MAP3K6: variants seen among roughly 807,000 people sequenced by gnomAD.
MAP3K6 encodes apoptosis signal-regulating kinase 2.
A neutral mutation model predicts 147.1 loss-of-function variants in MAP3K6; 105 were observed. That is an observed-to-expected ratio of 0.71 (90% CI 0.61 to 0.84). MAP3K6 has a LOEUF of 0.84. MAP3K6 is among the 40% of genes least tolerant of loss of function. MAP3K6 has a pLI of 0.00. For missense variants in MAP3K6, 1,569 were observed against 1,715.0 expected (o/e 0.91, Z 1.50); for synonymous variants, 695 against 732.4 (o/e 0.95, Z 0.82).
In MAP3K6 at chr1:27,364,566, G is replaced by C; in HGVS notation, c.504+95C>G. On this transcript the variant is annotated intron_variant, in intron 3 of 28. Coordinates refer to ENST00000357582, the MANE Select transcript of MAP3K6 (RefSeq NM_004672.5). The surrounding 1 kb of genome is among the most constrained non-coding windows in gnomAD (Gnocchi z 4.4). Reference sequence around the variant, plus strand: ...GGAATACTTGGGATGTCAGTGGGGGGTTAGGTGACTGAGGAGGCCAGGGGG... The same window carrying C: ...GGAATACTTGGGATGTCAGTGGGGGCTTAGGTGACTGAGGAGGCCAGGGGG... The C allele has an allele frequency of 6.3e-7, 1 of 1,582,802 alleles. No individual in the cohort carries two copies. Among genetic ancestry groups the C allele is most frequent in the Non-Finnish European group, 8.7e-7 (1 of 1,151,802 alleles).
rs1236112850 is a variant in MAP3K6, at chr1:27,359,871, T to C, written c.2306A>G (p.His769Arg). 1 of 1,614,162 alleles carries C rather than the reference T, an allele frequency of 6.2e-7. No homozygotes were observed. The highest frequency in any genetic ancestry group is 1.1e-5 in the South Asian group (1 of 91,090). Residue 769 changes from histidine (H) to arginine (R), a missense_variant, in exon 17 of 29, where the codon CAC (histidine) becomes CGC (arginine). Coordinates refer to ENST00000357582, the MANE Select transcript of MAP3K6 (RefSeq NM_004672.5). This position sits in a 1 kb window ranked among gnomAD's most constrained non-coding sequence, Gnocchi z 4.4. ...CCCAGGGCTTACTTTTATGTCCCTG[T>C]GCACGATGTGGTTGTCGTGCAAGTA... ...LGYLHDNHIV[H>R]RDIKGDNVLI...
At position 27,364,086 on chromosome 1, in the gene MAP3K6, C is replaced by T; in HGVS notation, c.696-1G>A. 6.2e-7 allele frequency: 1 copy of T among 1,611,658 alleles called. No individual in the cohort carries two copies. Among genetic ancestry groups the T allele is most frequent in the South Asian group, 1.1e-5 (1 of 90,894 alleles). On this transcript the variant is annotated splice_acceptor_variant, in intron 4 of 28. Coordinates refer to ENST00000357582, the MANE Select transcript of MAP3K6 (RefSeq NM_004672.5). LOFTEE classifies it high-confidence loss of function. The surrounding 1 kb of genome is among the most constrained non-coding windows in gnomAD (Gnocchi z 4.4). ...CCGAATGGTCTCCCGGAAATAGCCA[C>T]TGATGCCCAGGGTAGGGGAGGCAGG...
rs562303428 is a variant in MAP3K6 at position 27,358,621 on chromosome 1, G to A, written c.2584-10C>T. 4.3e-6 allele frequency: 7 copies of A among 1,613,586 alleles called. No homozygotes were observed. Among genetic ancestry groups the A allele is most frequent in the African/African-American group, 1.3e-5 (1 of 75,044 alleles). ...CCTTGTACATACCCACCTGTGGGGG[G>A]AGGGTGAACAAGGGTGACATTCAGA... On this transcript the variant is annotated splice_polypyrimidine_tract_variant and intron_variant, in intron 19 of 28. Transcript: ENST00000357582. This position sits in a 1 kb window ranked among gnomAD's most constrained non-coding sequence, Gnocchi z 6.2.
chr1:27,357,385 A>G lies in MAP3K6; in HGVS notation c.3258+15T>C. 1 of 1,587,516 alleles carries G rather than the reference A, an allele frequency of 6.3e-7. No homozygotes were observed. The highest frequency in any genetic ancestry group is 8.6e-7 in the Non-Finnish European group (1 of 1,163,088). ...CTGTTGTTGGGCAGCTCTAACTACC[A>G]GAAGGCGCCCTCACCGCATCCGGGA... On this transcript the variant is annotated intron_variant, in intron 23 of 28. Coordinates refer to ENST00000357582, the MANE Select transcript of MAP3K6 (RefSeq NM_004672.5).
At position 27,366,268 on chromosome 1, in the gene MAP3K6, GA is replaced by G; in HGVS notation, c.329del (p.Phe110SerfsTer11). The G allele has an allele frequency of 1.5e-6, 2 of 1,335,954 alleles. No individual in the cohort carries two copies. Among genetic ancestry groups the G allele is most frequent in the South Asian group, 1.9e-5 (1 of 53,366 alleles). 82.8% of individuals were successfully genotyped at this position (1,335,954 alleles called of 1,614,324 possible). On this transcript the variant is annotated frameshift_variant, in exon 1 of 29. Coordinates refer to ENST00000357582, the MANE Select transcript of MAP3K6 (RefSeq NM_004672.5). LOFTEE classifies it high-confidence loss of function. The surrounding 1 kb of genome is among the most constrained non-coding windows in gnomAD (Gnocchi z 5.5). ...CCCCAGCGCTCTCACCCGCGTTGTA[GA>G]AGGCATCCAGAGCCGCGGTGTCGCC... ...ELGDTAALDA[F>X]YNADVVVLEV...
chr1:27,359,232 A>G lies in MAP3K6; in HGVS notation c.2425+185T>C, dbSNP rs2015653386. On this transcript the variant is annotated intron_variant, in intron 18 of 28. Coordinates refer to ENST00000357582, the MANE Select transcript of MAP3K6 (RefSeq NM_004672.5). This position sits in a 1 kb window ranked among gnomAD's most constrained non-coding sequence, Gnocchi z 4.4. ...CTCCTCAAGTGCTAAAGTCAATTTC[A>G]TCACTTCTCCAAGCTCCAGTTCCAG... 6.6e-6 allele frequency among the ~76,000 whole-genome samples: 1 copy of G among 152,066 alleles called. No homozygotes were observed. Among genetic ancestry groups the G allele is most frequent in the Non-Finnish European group, 1.5e-5 (1 of 68,022 alleles).
chr1:27,358,719 G>C lies in MAP3K6; in HGVS notation c.2573C>G (p.Ala858Gly). ...CCAAAGAGGTCTCACCTGAAACATG[G>C]CAGCCTGTGGGCTCCCGAGCTCGTG... ...PFHELGSPQA[A>G]MFQVGMYKVH... Residue 858 changes from alanine (A) to glycine (G), a missense_variant, in exon 19 of 29, where the codon GCC becomes GGC. By Grantham distance (60) the Ala-to-Gly change is moderately conservative. Coordinates refer to ENST00000357582, the MANE Select transcript of MAP3K6 (RefSeq NM_004672.5). The surrounding 1 kb of genome is among the most constrained non-coding windows in gnomAD (Gnocchi z 6.2). The C allele has an allele frequency of 6.2e-7, 1 of 1,613,800 alleles. No homozygotes were observed. The highest frequency in any genetic ancestry group is 1.3e-5 in the African/African-American group (1 of 75,040).
Position 27,359,579 on chromosome 1 carries a change from C to T in MAP3K6, c.2320-57G>A, listed in dbSNP as rs1384449467. The T allele has an allele frequency of 1.0e-5, 16 of 1,606,936 alleles. No individual in the cohort carries two copies. The South Asian group carries it at 1.3e-4, about 13-fold the overall frequency. On this transcript the variant is annotated intron_variant, in intron 17 of 28. Transcript: ENST00000357582. This position sits in a 1 kb window ranked among gnomAD's most constrained non-coding sequence, Gnocchi z 4.4. ...GGGCCCCTGCCAGCAGAAGTAGACC[C>T]TCTTTCTGGGATCCCATCTCCTGGA... is the stretch of plus-strand genomic sequence containing the variant.
chr1:27,362,573 C>T (rs2015818070), intron 8 of MAP3K6, 68 bp downstream of exon 8: 2 of 1,246,998 alleles, frequency 1.6e-6, no homozygotes, highest in African/African-American at 1.5e-5. Context: ...GTGCTCTCTC[C>T]CTGCCCTCTT....
At position 27,360,459 on chromosome 1, in the gene MAP3K6, C is replaced by T. The variant is rs1006482540; in HGVS notation, c.2055-91G>A. On this transcript the variant is annotated intron_variant, in intron 15 of 28. Coordinates refer to ENST00000357582, the MANE Select transcript of MAP3K6 (RefSeq NM_004672.5). This position sits in a 1 kb window ranked among gnomAD's most constrained non-coding sequence, Gnocchi z 4.5. Reference sequence around the variant, plus strand: ...CCAGCCTGGCCCCGCCCCAAGGACCCGCCCCGCCCACAAGCCCTCTCCGAC... The same window carrying T: ...CCAGCCTGGCCCCGCCCCAAGGACCTGCCCCGCCCACAAGCCCTCTCCGAC... 6.8e-7 allele frequency: 1 copy of T among 1,473,772 alleles called. No individual in the cohort carries two copies. Among genetic ancestry groups the T allele is most frequent in the Non-Finnish European group, 9.1e-7 (1 of 1,100,948 alleles). The allele number at this position is 1,473,772 out of a possible 1,614,324, so 91.3% of individuals were successfully genotyped here. A position where few individuals can be genotyped will look rare whatever the true frequency, so the allele number is the denominator to read the frequency against.
Position 27,360,931 on chromosome 1 carries a change from T to C in MAP3K6, c.1910A>G (p.Glu637Gly). Residue 637 changes from glutamate (E) to glycine (G), a missense_variant, in exon 14 of 29, where the codon GAG (glutamate) becomes GGG (glycine). Glu to Gly is a moderately conservative substitution (Grantham distance 98). Transcript: ENST00000357582. This position sits in a 1 kb window ranked among gnomAD's most constrained non-coding sequence, Gnocchi z 4.5. ...APAEEAEGAG[E>G]MLEFDYEYTE... ...GTCCCGCGTCCTCACCTCCAACATC[T>C]CCCCCGCGCCCTCCGCCTCCTCCGC... is the stretch of plus-strand genomic sequence containing the variant. The C allele has an allele frequency of 6.2e-7, 1 of 1,605,944 alleles. No homozygotes were observed. Among genetic ancestry groups the C allele is most frequent in the South Asian group, 1.1e-5 (1 of 90,510 alleles).
At chr1:27,355,916 T>A in intron 27 of MAP3K6, 110 bp downstream of exon 27, 5 of 1,177,206 alleles carry the variant, frequency 4.2e-6, no homozygotes, top group Non-Finnish European at 6.3e-6. Context: ...AGTGTTCTTC[T>A]GGTAGTGAGA....
chr1:27,362,780 CTGG>C, intron 7 of MAP3K6, 27 bp from the exon 8 acceptor site: 1 of 1,611,858 alleles, frequency 6.2e-7, no homozygotes, highest in Non-Finnish European at 8.5e-7. Context: ...GGGCACAGGG[CTGG>C]ACTGATGCCC....
Position 27,362,332 on chromosome 1 carries a change from A to G in MAP3K6, c.1256-82T>C, listed in dbSNP as rs2015808932. 2.9e-6 allele frequency: 4 copies of G among 1,398,044 alleles called. No homozygotes were observed. In the Admixed American group the frequency reaches 6.5e-5, roughly 23 times the overall value. The allele number at this position is 1,398,044 out of a possible 1,614,324, so 86.6% of individuals were successfully genotyped here. On this transcript the variant is annotated intron_variant, in intron 8 of 28. Coordinates refer to ENST00000357582, the MANE Select transcript of MAP3K6 (RefSeq NM_004672.5). Reference sequence around the variant, plus strand: ...ACCATTTCTGTGGGCCCGAGTGTGGACATGAACATAGATATGAGTATGGCA... The same window carrying G: ...ACCATTTCTGTGGGCCCGAGTGTGGGCATGAACATAGATATGAGTATGGCA...
chr1:27,363,515 G>A lies in MAP3K6; in HGVS notation c.898C>T (p.Leu300=). 1 of 1,613,408 alleles carries A rather than the reference G, an allele frequency of 6.2e-7. No homozygotes were observed. Among genetic ancestry groups the A allele is most frequent in the Non-Finnish European group, 8.5e-7 (1 of 1,179,660 alleles). ...ACATCACAGGTGGGCAAGGCCTGCA[G>A]CGTCTCCACCAGCTCAATGATGGCC... is the stretch of plus-strand genomic sequence containing the variant. ...YSAIIELVET[L]QALPTCDVAE... is the part of the protein sequence containing the mutation. Residue 300 remains leucine, a synonymous_variant, in exon 6 of 29, where the codon CTG becomes TTG. Transcript: ENST00000357582.
chr1:27,362,728 G>A lies in MAP3K6; in HGVS notation c.1168C>T (p.Pro390Ser), dbSNP rs1335055042. 1.2e-6 allele frequency: 2 copies of A among 1,611,748 alleles called. No individual in the cohort carries two copies. The highest frequency in any genetic ancestry group is 1.7e-6 in the Non-Finnish European group (2 of 1,178,940). The change falls in exon 8 of 29, where the codon CCC becomes TCC. Residue 390 changes from proline (P) to serine (S), a missense_variant. Coordinates refer to ENST00000357582, the MANE Select transcript of MAP3K6 (RefSeq NM_004672.5). ...HWYRKAFDVE[P>S]SLHSGINAAV... is the part of the protein sequence containing the mutation. ...GCATTGATGCCTGAGTGAAGGCTGG[G>A]CTCTACGTCAAAAGCCTTGCGATAC...
Position 27,361,345 on chromosome 1 carries a change from C to A in MAP3K6, c.1736+1G>T, listed in dbSNP as rs771659002. ...CAGTCACCCCAGGTCCCGCCTATCA[C>A]CTGACTCCGCATATGGAGGCGACTG... On this transcript the variant is annotated splice_donor_variant, in intron 12 of 28. Coordinates refer to ENST00000357582, the MANE Select transcript of MAP3K6 (RefSeq NM_004672.5). LOFTEE classifies it high-confidence loss of function. The A allele has an allele frequency of 6.2e-7, 1 of 1,613,988 alleles. No homozygotes were observed. The highest frequency in any genetic ancestry group is 8.5e-7 in the Non-Finnish European group (1 of 1,179,998).
In MAP3K6 at chr1:27,366,766, A is replaced by C; in HGVS notation, c.-169T>G. ...CCTGACGTCCCGTTCCAGGAATCTA[A>C]AGTCCAGGGAGAAATCCTAGCTCGG... is the stretch of plus-strand genomic sequence containing the variant. On this transcript the variant is annotated 5_prime_UTR_variant, in exon 1 of 29. Coordinates refer to ENST00000357582, the MANE Select transcript of MAP3K6 (RefSeq NM_004672.5). The surrounding 1 kb of genome is among the most constrained non-coding windows in gnomAD (Gnocchi z 5.5). The C allele has an allele frequency of 5.3e-6, 2 of 376,682 alleles. No individual in the cohort carries two copies. The highest frequency in any genetic ancestry group is 7.4e-6 in the Non-Finnish European group (2 of 270,476). 23.3% of individuals were successfully genotyped at this position (376,682 alleles called of 1,614,324 possible).
Position 27,362,760 on chromosome 1 carries a change from TGG to T in MAP3K6, c.1143-9_1143-8del. 1 of 1,612,578 alleles carries T rather than the reference TGG, an allele frequency of 6.2e-7. No individual in the cohort carries two copies. The highest frequency in any genetic ancestry group is 8.5e-7 in the Non-Finnish European group (1 of 1,179,170). On this transcript the variant is annotated splice_polypyrimidine_tract_variant and splice_region_variant and intron_variant, in intron 7 of 28. Transcript: ENST00000357582. ...GTCAAAAGCCTTGCGATACCTGGGG[TGG>T]GGGTAGGGGGCACAGGGCTGGACTG...
Sources: allele counts gnomAD v4.1 joint callset (sites outside exome capture counted in the v4.1 genomes callset), GRCh38; gene constraint gnomAD v4.1.1; non-coding constraint Gnocchi (gnomAD v3.1); transcripts MANE v1.5; gene names NCBI Gene and HGNC (gene_info 2026-07-23, HGNC 2026-07-21).